The following CDH11 variants were observed in gnomAD, a reference collection of about 807,000 sequenced individuals.
CDH11 encodes the protein cadherin-11.
In CDH11, 11 loss-of-function variants were observed where a neutral mutation model predicts 67.8. That is an observed-to-expected ratio of 0.16 (90% CI 0.10 to 0.27). The LOEUF (loss-of-function observed/expected upper bound fraction) is 0.27, where lower values mean the gene tolerates loss of function less well. Among genes scored for constraint, CDH11 ranks in the 10% least tolerant of loss-of-function variants. The pLI is 1.00. For synonymous variants in CDH11, 419 were observed against 400.0 expected, an observed-to-expected ratio of 1.05 and a Z score of -0.57; for missense variants, 847 against 1,031.2, an observed-to-expected ratio of 0.82 and a Z score of 2.45.
rs1424916116 is a variant in CDH11, at chr16:64,998,563, C to A, written c.522G>T (p.Val174=). 6.2e-7 allele frequency: 1 copy of A among 1,613,950 alleles called. No individual in the cohort carries two copies. The highest frequency in any genetic ancestry group is 8.5e-7 in the Non-Finnish European group (1 of 1,179,886). The change falls in exon 4 of 13, where the codon GTG becomes GTT. Residue 174 remains valine, a splice_region_variant and synonymous_variant. Transcript: ENST00000268603. ...YHANVPERSN[V]GTSVIQVTAS... is the part of the protein sequence containing the mutation. ...GCAGGCCTCCCACACCGTACGCACC[C>A]ACATTGGACCTCTCAGGCACGTTGG...
chr16:65,076,301 T>C (rs967305557), intron 1 of CDH11, among the ~76,000 whole-genome samples: 1 of 152,214 alleles, frequency 6.6e-6, no homozygotes, highest in Non-Finnish European at 1.5e-5. Context: ...TGCCTTTGCT[T>C]CTTTGGTTGT....
chr16:64,947,914 T>C lies in CDH11; in HGVS notation c.2080A>G (p.Lys694Glu). The C allele has an allele frequency of 1.2e-6, 2 of 1,614,166 alleles. No individual in the cohort carries two copies. Among genetic ancestry groups the C allele is most frequent in the Non-Finnish European group, 1.7e-6 (2 of 1,180,020 alleles). The change falls in exon 13 of 13, where the codon AAA (lysine) becomes GAA (glutamate). Residue 694 changes from lysine to glutamate, a missense_variant. By Grantham distance (56) the Lys-to-Glu change is moderately conservative. Around this residue, in one of 2 missense-constraint regions of CDH11, gnomAD observed 612 missense variants for 678.7 expected, o/e 0.90. Coordinates refer to ENST00000268603, the MANE Select transcript of CDH11 (RefSeq NM_001797.4). ...PDGINGFIPRKDIKPEYQYMP... is the reference protein window; with the variant it reads ...PDGINGFIPREDIKPEYQYMP... ...TACTGATACTCAGGTTTGATGTCTT[T>C]GCGGGGGATAAATCCATTGATACCA... is the stretch of plus-strand genomic sequence containing the variant.
intron 1 of CDH11, among the ~76,000 whole-genome samples, chr16:65,057,814 G>C (rs183644041): frequency 1.1e-4 from 17 of 152,286 alleles, no homozygotes; most frequent in African/African-American, 4.1e-4. Context: ...TAGCATAACT[G>C]GGCTGGATCA....
rs558498353 is a variant in CDH11, at chr16:65,004,492, T to C, written c.228+150A>G. On this transcript the variant is annotated intron_variant, in intron 3 of 12. Transcript: ENST00000268603. ...TTTTTAAAAGTCTGGAATAACATAT[T>C]ATGTACAATATTTGGGTGGTTTTAC... 6.2e-6 allele frequency: 4 copies of C among 640,832 alleles called. No individual in the cohort carries two copies. In the African/African-American group the frequency reaches 7.4e-5, roughly 12 times the overall value. 39.7% of individuals were successfully genotyped at this position (640,832 alleles called of 1,614,324 possible).
chr16:64,996,463 C>T (rs1488893048), intron 4 of CDH11, among the ~76,000 whole-genome samples: 8 of 145,576 alleles, frequency 5.5e-5, no homozygotes, highest in African/African-American at 2.0e-4. Flanking sequence ...GCACTGCAGC[C>T]TGGGCAACAG....
intron 2 of CDH11, among the ~76,000 whole-genome samples, chr16:65,045,617 C>A: frequency 6.6e-6 from 1 of 151,818 alleles, no homozygotes; most frequent in East Asian, 1.9e-4. Flanking sequence ...CTCTGAGTCC[C>A]CCACTGCACA....
intron 1 of CDH11, among the ~76,000 whole-genome samples, chr16:65,120,552 G>T (rs1259803516): frequency 6.6e-6 from 1 of 152,172 alleles, no homozygotes; most frequent in Non-Finnish European, 1.5e-5. Context: ...AGACTTTAGT[G>T]AAATCTATAC....
intron 2 of CDH11, among the ~76,000 whole-genome samples, chr16:65,053,271 C>A (rs749856693): frequency 2.6e-5 from 4 of 152,130 alleles, no homozygotes; most frequent in Non-Finnish European, 5.9e-5. Flanking sequence ...CCTGGCAGTC[C>A]AGTAAATGGC....
At chr16:65,076,431 C>A (rs2074510500) in intron 1 of CDH11, among the ~76,000 whole-genome samples, 1 of 152,164 alleles carries the variant, frequency 6.6e-6, no homozygotes, top group Admixed American at 6.5e-5. Flanking sequence ...CCATCAATAA[C>A]CTCATAGATG....
In CDH11 at chr16:64,998,662, T is replaced by C; in HGVS notation, c.423A>G (p.Pro141=). Residue 141 remains proline, a synonymous_variant, in exon 4 of 13, where the codon CCA becomes CCG. Transcript: ENST00000268603. ...GGACCTTGACAATGAATTCCGACGG[T>C]GGCTCCAGTGGCCGATTGGTGTCCC... ...VDRDTNRPLE[P]PSEFIVKVQD... is the part of the protein sequence containing the mutation. The C allele has an allele frequency of 6.2e-7, 1 of 1,614,108 alleles. No individual in the cohort carries two copies. Among genetic ancestry groups the C allele is most frequent in the Non-Finnish European group, 8.5e-7 (1 of 1,180,028 alleles).
At chr16:65,102,989 C>G (rs1350023335) in intron 1 of CDH11, among the ~76,000 whole-genome samples, 1 of 152,212 alleles carries the variant, frequency 6.6e-6, no homozygotes, top group Admixed American at 6.5e-5. Context: ...CAACTGCAAC[C>G]TGGAGCCAGC....
At chr16:64,978,125 C>G (rs2072229221) in intron 8 of CDH11, among the ~76,000 whole-genome samples, 1 of 152,188 alleles carries the variant, frequency 6.6e-6, no homozygotes, top group South Asian at 2.1e-4. Flanking sequence ...GAAGGTTTGT[C>G]AAATAAATGT....
chr16:65,032,125 G>T (rs1007384224), intron 2 of CDH11, among the ~76,000 whole-genome samples: 1 of 152,134 alleles, frequency 6.6e-6, no homozygotes, highest in Non-Finnish European at 1.5e-5. Context: ...GCTAGACCTT[G>T]AGTTAGAAAC....
At chr16:65,013,307 G>A (rs983140491) in intron 2 of CDH11, among the ~76,000 whole-genome samples, 1 of 152,154 alleles carries the variant, frequency 6.6e-6, no homozygotes, top group Non-Finnish European at 1.5e-5. Context: ...TTTACTGGAT[G>A]GACAATGGGA....
chr16:65,078,261 T>A (rs2074549834), intron 1 of CDH11, among the ~76,000 whole-genome samples: 1 of 152,192 alleles, frequency 6.6e-6, no homozygotes, highest in Non-Finnish European at 1.5e-5. Flanking sequence ...ACGCTGCTAT[T>A]TCCATGTGTA....
At chr16:65,102,082 G>T (rs1237550967) in intron 1 of CDH11, among the ~76,000 whole-genome samples, 2 of 152,130 alleles carry the variant, frequency 1.3e-5, no homozygotes, top group Non-Finnish European at 2.9e-5. Context: ...AATTAAAAGT[G>T]CCAGATTCTT....
Position 64,991,983 on chromosome 16 carries a change from T to A in CDH11, c.644-48A>T, listed in dbSNP as rs754976559. ...TCACAGATATTCGTTTATAACATTA[T>A]GACAACAAGAAAGTTCTGAGCACTG... On this transcript the variant is annotated intron_variant, in intron 5 of 12. Transcript: ENST00000268603. 11 of 1,403,882 alleles carry A rather than the reference T, an allele frequency of 7.8e-6. No homozygotes were observed. The African/African-American group carries it at 1.1e-4, about 14-fold the overall frequency. The allele number at this position is 1,403,882 out of a possible 1,614,324, so 87.0% of individuals were successfully genotyped here.
intron 11 of CDH11, among the ~76,000 whole-genome samples, chr16:64,964,900 T>G (rs1006761842): frequency 1.3e-5 from 2 of 152,114 alleles, no homozygotes; most frequent in African/African-American, 4.8e-5. Context: ...TTATAAAAAT[T>G]TATTTTTTTA....
intron 2 of CDH11, among the ~76,000 whole-genome samples, chr16:65,010,952 CAT>C (rs200372447): frequency 5.9e-5 from 8 of 135,836 alleles, no homozygotes; most frequent in African/African-American, 5.3e-5. Context: ...ATATGTGTGA[CAT>C]ATATATATAT....
Sources: gnomAD v4.1 joint callset for allele counts (sites outside exome capture counted in the v4.1 genomes callset) on GRCh38, gnomAD v4.1.1 for gene constraint, gnomAD v4.1.1 regional missense constraint, MANE v1.5 for transcripts, NCBI Gene and HGNC (gene_info 2026-07-23, HGNC 2026-07-21) for gene names.